Variants in SSC5D observed in about 807,000 individuals in gnomAD.
SSC5D encodes soluble scavenger receptor cysteine-rich domain-containing protein SSC5D.
A neutral mutation model predicts 104.6 loss-of-function variants in SSC5D; 106 were observed. The observed-to-expected ratio is 1.01, with a 90% CI of 0.87 to 1.19. The LOEUF (loss-of-function observed/expected upper bound fraction) is 1.19, where lower values mean the gene tolerates loss of function less well. Ranked by LOEUF, SSC5D falls within the 50% of genes most tolerant of loss-of-function variation. The probability of loss-of-function intolerance (pLI) is 0.00; values close to 1 mark genes in which losing one functional copy is unlikely to be tolerated. For synonymous variants in SSC5D, 860 were observed against 883.5 expected, an observed-to-expected ratio of 0.97 and a Z score of 0.47; for missense variants, 1,993 against 2,153.8, an observed-to-expected ratio of 0.93 and a Z score of 1.48.
Position 55,493,709 on chromosome 19 carries a change from A to G in SSC5D, c.1010A>G (p.Asp337Gly), listed in dbSNP as rs1440291289. 5.3e-6 allele frequency: 8 copies of G among 1,512,684 alleles called. No homozygotes were observed. Among genetic ancestry groups the G allele is most frequent in the Non-Finnish European group, 7.0e-6 (8 of 1,135,398 alleles). The allele number at this position is 1,512,684 out of a possible 1,614,324, so 93.7% of individuals were successfully genotyped here. ...TGTGACGACGCCTGGGACCTGCGAG[A>G]CGCCGCTGTGGCCTGCCGAGAGCTG... ...SVCDDAWDLR[D>G]AAVACRELGC... is the part of the protein sequence containing the mutation. The change falls in exon 7 of 14, where the codon GAC becomes GGC. Residue 337 changes from aspartate (D) to glycine (G), a missense_variant. Coordinates refer to ENST00000389623, the MANE Select transcript of SSC5D (RefSeq NM_001144950.2).
At chr19:55,516,809 G>T (rs1225682285) in intron 13 of SSC5D, among the ~76,000 whole-genome samples, 2 of 151,988 alleles carry the variant, frequency 1.3e-5, no homozygotes. Context: ...AGCCCTCTTT[G>T]GTCTCCCTGC....
chr19:55,495,248 T>A lies in SSC5D; in HGVS notation c.1387+465T>A, dbSNP rs1352427520. 2.5e-4 allele frequency among the ~76,000 whole-genome samples: 28 copies of A among 111,284 alleles called. 1 individual carries two copies. Among genetic ancestry groups the A allele is most frequent in the African/African-American group, 8.2e-4 (25 of 30,522 alleles). The allele number at this position is 111,284 out of a possible 152,430, so 73.0% of individuals were successfully genotyped here. On this transcript the variant is annotated intron_variant, in intron 8 of 13. Coordinates refer to ENST00000389623, the MANE Select transcript of SSC5D (RefSeq NM_001144950.2). ...ATATATATATATTTTTTTTTTTTTT[T>A]TTTTTTTTTTTTGAGAGTGGATTTA... is the stretch of plus-strand genomic sequence containing the variant.
chr19:55,509,131 C>T (rs917815464), intron 12 of SSC5D, among the ~76,000 whole-genome samples: 1 of 152,192 alleles, frequency 6.6e-6, no homozygotes, highest in African/African-American at 2.4e-5. Flanking sequence ...TGTCCCTTAG[C>T]TGTGTTACCC....
intron 13 of SSC5D, among the ~76,000 whole-genome samples, chr19:55,516,445 C>A (rs377345452): frequency 6.6e-6 from 1 of 151,186 alleles, no homozygotes; most frequent in Non-Finnish European, 1.5e-5. Context: ...TGCAGTGAGC[C>A]GAGATCACGC....
intron 9 of SSC5D, 52 bp from the exon 10 acceptor site, chr19:55,499,764 T>A: frequency 7.0e-7 from 1 of 1,426,764 alleles, no homozygotes; most frequent in Non-Finnish European, 9.6e-7. Context: ...GGGTAGATGA[T>A]CTTGTCATCA....
Position 55,499,740 on chromosome 19 carries a change from A to G in SSC5D, c.1706-76A>G, listed in dbSNP as rs901903486. ...ATGGGAACTGGGTGAGTGACTGGAG[A>G]GAAGGAGGGGCCTGGGTAGATGATC... On this transcript the variant is annotated intron_variant, in intron 9 of 13. Transcript: ENST00000389623. 1.4e-5 allele frequency: 16 copies of G among 1,154,996 alleles called. No homozygotes were observed. In the African/African-American group the frequency reaches 2.2e-4, roughly 16 times the overall value. The allele number at this position is 1,154,996 out of a possible 1,614,324, so 71.5% of individuals were successfully genotyped here.
At chr19:55,493,949 T>C in intron 7 of SSC5D, 37 bp downstream of exon 7, 1 of 898,172 alleles carries the variant, frequency 1.1e-6, no homozygotes, top group Non-Finnish European at 1.4e-6. Flanking sequence ...GAGGTGGGCG[T>C]GGTGGTGCTT....
At chr19:55,493,994 G>GGGGGGGTGGGT in intron 7 of SSC5D, 82 bp downstream of exon 7, 1 of 143,314 alleles carries the variant, frequency 7.0e-6, no homozygotes, top group South Asian at 7.8e-5. Context: ...GGGCGGGGGG[G>GGGGGGGTGGGT]TCCCTACGCG....
At position 55,493,808 on chromosome 19, in the gene SSC5D, A is replaced by C. The variant is rs1987223529; in HGVS notation, c.1109A>C (p.Asp370Ala). The change falls in exon 7 of 14, where the codon GAC becomes GCC. Residue 370 changes from aspartate (D) to alanine (A), a missense_variant. Transcript: ENST00000389623. ...GGGTCTGGACCCATCATCCTGGACG[A>C]CCTTCGGTGTCGGGGAAACGAGACG... ...GEGSGPIILD[D>A]LRCRGNETAL... The C allele has an allele frequency of 6.5e-7, 1 of 1,548,092 alleles. No individual in the cohort carries two copies. The highest frequency in any genetic ancestry group is 8.7e-7 in the Non-Finnish European group (1 of 1,146,274).
chr19:55,507,362 A>G (rs868020538), intron 12 of SSC5D, among the ~76,000 whole-genome samples: 53 of 144,860 alleles, frequency 3.7e-4, no homozygotes, highest in African/African-American at 1.4e-3. Flanking sequence ...AAAAAAAAAA[A>G]GGATGGTTAA....
rs561281971 is a variant in SSC5D at position 55,505,697 on chromosome 19, C to T, written c.2785+4496C>T. ...ATCTCTCTGACCTTTCCTCTGCCTT[C>T]GTATTTTTCTCTCTCACTGTGGCTT... On this transcript the variant is annotated intron_variant, in intron 12 of 13. Coordinates refer to ENST00000389623, the MANE Select transcript of SSC5D (RefSeq NM_001144950.2). Among the ~76,000 whole-genome samples, 17 of 151,796 alleles carry T rather than the reference C, an allele frequency of 1.1e-4. No homozygotes were observed. In the East Asian group the frequency reaches 2.7e-3, roughly 24 times the overall value.
chr19:55,517,292 A>G lies in SSC5D; in HGVS notation c.3016A>G (p.Thr1006Ala). The G allele has an allele frequency of 3.2e-6, 5 of 1,547,562 alleles. No individual in the cohort carries two copies. The highest frequency in any genetic ancestry group is 4.4e-6 in the Non-Finnish European group (5 of 1,146,512). The change falls in exon 14 of 14, where the codon ACC (threonine) becomes GCC (alanine). Residue 1006 changes from threonine to alanine, a missense_variant. Thr to Ala is a moderately conservative substitution (Grantham distance 58). Around this residue, in one of 6 missense-constraint regions of SSC5D, gnomAD observed 423 missense variants for 409.2 expected, o/e 1.03. Coordinates refer to ENST00000389623, the MANE Select transcript of SSC5D (RefSeq NM_001144950.2). Reference sequence around the variant, plus strand: ...CGCTGCGACCAGGACAGCGCCCCCAACCCCGTCCCCAGGTCCCTCCGCCTC... The same window carrying G: ...CGCTGCGACCAGGACAGCGCCCCCAGCCCCGTCCCCAGGTCCCTCCGCCTC... ...RPAATRTAPP[T>A]PSPGPSASPG...
chr19:55,517,822 C>T lies in SSC5D; in HGVS notation c.3546C>T (p.Thr1182=). Residue 1182 remains threonine (T), a synonymous_variant, in exon 14 of 14, where the codon ACC becomes ACT. Transcript: ENST00000389623. The part of the protein sequence containing the change: ...TPHFPTTPHP[T]TTPHPTTITH... ...ACTTCCCTACCACCCCTCACCCCAC[C>T]ACGACCCCTCACCCCACCACCATCA... The T allele has an allele frequency of 6.5e-7, 1 of 1,547,602 alleles. No individual in the cohort carries two copies. Among genetic ancestry groups the T allele is most frequent in the Non-Finnish European group, 8.7e-7 (1 of 1,145,596 alleles).
At chr19:55,509,567 T>C (rs1397944857) in intron 12 of SSC5D, among the ~76,000 whole-genome samples, 5 of 71,908 alleles carry the variant, frequency 7.0e-5, no homozygotes, top group South Asian at 3.3e-4. Flanking sequence ...TTTTTATTCT[T>C]TTTTTTTTTT....
At chr19:55,492,868 T>TA (rs149175520) in intron 6 of SSC5D, 15,100 of 147,902 alleles carry the variant, frequency 0.1, 908 homozygotes, top group Admixed American at 0.17. Context: ...AAATATAAAA[T>TA]AAAAAAAAAA....
rs142279199 is a variant in SSC5D, at chr19:55,508,268, G to A, written c.2786-4743G>A. 7.0e-4 allele frequency among the ~76,000 whole-genome samples: 106 copies of A among 152,274 alleles called. 2 individuals are homozygous for A. The highest frequency in any genetic ancestry group is 2.5e-3 in the African/African-American group (102 of 41,546). The stretch of plus-strand genomic sequence containing the variant: ...TGGGAAGCCGGGGAGACCCGTGCTT[G>A]GGGTATCGCCGGAGGTTTATCACCC... On this transcript the variant is annotated intron_variant, in intron 12 of 13. Transcript: ENST00000389623.
In SSC5D at chr19:55,518,978, C is replaced by A; in HGVS notation, c.4702C>A (p.Pro1568Thr). 6.5e-7 allele frequency: 1 copy of A among 1,550,372 alleles called. No individual in the cohort carries two copies. Among genetic ancestry groups the A allele is most frequent in the South Asian group, 1.2e-5 (1 of 84,054 alleles). ...CACTACCCCAGAGGAAGAAGAAAGACCCCTGAGGGGAGACGTGTGACCCTC... is the reference window on the plus strand; with the variant it reads ...CACTACCCCAGAGGAAGAAGAAAGAACCCTGAGGGGAGACGTGTGACCCTC... ...TTTTPEEEERPLRGDV is the reference protein window; with the variant it reads ...TTTTPEEEERTLRGDV The change falls in exon 14 of 14, where the codon CCC becomes ACC. Residue 1568 changes from proline (P) to threonine (T), a missense_variant. By Grantham distance (38) the Pro-to-Thr change is conservative (BLOSUM62 -1). Transcript: ENST00000389623.
At chr19:55,516,272 C>T (rs1334574579) in intron 13 of SSC5D, among the ~76,000 whole-genome samples, 1 of 151,820 alleles carries the variant, frequency 6.6e-6, no homozygotes, top group Non-Finnish European at 1.5e-5. Context: ...CCCAGGCGGG[C>T]GGATCACGAG....
rs1354882839 is a variant in SSC5D, at chr19:55,490,814, G to A, written c.629G>A (p.Arg210His). 41 of 1,546,128 alleles carry A rather than the reference G, an allele frequency of 2.7e-5. No individual in the cohort carries two copies. The highest frequency in any genetic ancestry group is 3.5e-5 in the Non-Finnish European group (40 of 1,145,478). ...LVSGPHRCAGRLEVWHGGRWG... is the reference protein window; with the variant it reads ...LVSGPHRCAGHLEVWHGGRWG... ...TCTGGCCCCCACAGGTGCGCCGGAC[G>A]CCTGGAGGTCTGGCACGGCGGGCGC... The change falls in exon 6 of 14, where the codon CGC becomes CAC. Residue 210 changes from arginine (R) to histidine (H), a missense_variant. Coordinates refer to ENST00000389623, the MANE Select transcript of SSC5D (RefSeq NM_001144950.2).
Sources: gnomAD v4.1 joint callset for allele counts (sites outside exome capture counted in the v4.1 genomes callset) on GRCh38, gnomAD v4.1.1 for gene constraint, gnomAD v4.1.1 regional missense constraint, MANE v1.5 for transcripts, NCBI Gene and HGNC (gene_info 2026-07-23, HGNC 2026-07-21) for gene names.